Variants in DNAJB14 observed in about 807,000 individuals in gnomAD.
DNAJB14 encodes DnaJ heat shock protein family (Hsp40) member B14.
DNAJB14 carries 22 observed loss-of-function variants against 48.4 expected under a neutral mutation model. The observed-to-expected ratio is 0.45, with a 90% CI of 0.32 to 0.65. The LOEUF (loss-of-function observed/expected upper bound fraction) is 0.65. DNAJB14 is among the 30% of genes least tolerant of loss of function. The pLI is 0.03. For missense variants in DNAJB14, 319 were observed against 458.8 expected (o/e 0.70, Z 2.78); for synonymous variants, 142 against 158.7 (o/e 0.89, Z 0.79).
intron 3 of DNAJB14, 103 bp downstream of exon 3, chr4:99,922,935 GGT>G (rs1726113946): frequency 3.1e-5 from 38 of 1,226,570 alleles, no homozygotes; most frequent in Non-Finnish European, 3.9e-5. Flanking sequence ...TGCTTGTGCT[GGT>G]CTCTAAATGC....
Position 99,906,608 on chromosome 4 carries a change from C to T in DNAJB14, c.641G>A (p.Ser214Asn). 6.2e-7 allele frequency: 1 copy of T among 1,610,186 alleles called. No individual in the cohort carries two copies. The highest frequency in any genetic ancestry group is 8.5e-7 in the Non-Finnish European group (1 of 1,178,614). Residue 214 changes from serine (S) to asparagine (N), a missense_variant, in exon 5 of 8, where the codon AGT (serine) becomes AAT (asparagine). Physicochemically the swap from Ser to Asn is conservative, Grantham distance 46. Around this residue, in one of 3 missense-constraint regions of DNAJB14, gnomAD observed 166 missense variants for 236.3 expected, o/e 0.70. Coordinates refer to ENST00000442697, the MANE Select transcript of DNAJB14 (RefSeq NM_001031723.4). ...IFFGGGFPSGSVHSFSNGRAG... is the reference protein window; with the variant it reads ...IFFGGGFPSGNVHSFSNGRAG... Reference sequence around the variant, plus strand: ...TCTTCCATTTGAAAAAGAATGTACACTACCTAAAAAATTAAAAGCAAGGTT... The same window carrying T: ...TCTTCCATTTGAAAAAGAATGTACATTACCTAAAAAATTAAAAGCAAGGTT...
chr4:99,910,954 C>T (rs1725638605), intron 3 of DNAJB14, among the ~76,000 whole-genome samples: 1 of 151,976 alleles, frequency 6.6e-6, no homozygotes, highest in Non-Finnish European at 1.5e-5. Flanking sequence ...GATATTGACA[C>T]TGATATAGTC....
intron 1 of DNAJB14, among the ~76,000 whole-genome samples, chr4:99,942,874 A>T (rs1367578820): frequency 2.0e-5 from 3 of 152,130 alleles, no homozygotes; most frequent in Non-Finnish European, 4.4e-5. Flanking sequence ...TATCCAGACG[A>T]ACATTCAGTC....
chr4:99,924,762 T>C, intron 2 of DNAJB14: 1 of 1,611,510 alleles, frequency 6.2e-7, no homozygotes, highest in Non-Finnish European at 8.5e-7. Flanking sequence ...ATACCTACTG[T>C]GTGTTAGGTA....
intron 1 of DNAJB14, among the ~76,000 whole-genome samples, chr4:99,937,384 C>T (rs1726717596): frequency 6.6e-6 from 1 of 151,968 alleles, no homozygotes; most frequent in Non-Finnish European, 1.5e-5. Context: ...GTAACCTCAC[C>T]AGTAAGGACC....
intron 1 of DNAJB14, among the ~76,000 whole-genome samples, chr4:99,945,955 G>C (rs554193423): frequency 7.4e-4 from 113 of 152,282 alleles, no homozygotes; most frequent in African/African-American, 2.6e-3. Flanking sequence ...TCAGGTATTC[G>C]ATGTTTGCTT....
rs1422490805 is a variant in DNAJB14, at chr4:99,899,447, C to CA, written c.*1580_*1581insT. 1 of 150,896 alleles carries CA rather than the reference C, an allele frequency of 6.6e-6. No homozygotes were observed. Among genetic ancestry groups the CA allele is most frequent in the East Asian group, 1.9e-4 (1 of 5,144 alleles). 9.3% of individuals were successfully genotyped at this position (150,896 alleles called of 1,614,324 possible). A position where few individuals can be genotyped will look rare whatever the true frequency, so the allele number is the denominator to read the frequency against. ...TCTAAGAGCAAGTTGGTTAAGCTCT[C>CA]CAGTTTTCCTATGACAGTATGTTGT... On this transcript the variant is annotated 3_prime_UTR_variant, in exon 8 of 8. Transcript: ENST00000442697.
At chr4:99,931,955 C>G (rs1269156795) in intron 1 of DNAJB14, among the ~76,000 whole-genome samples, 1 of 151,970 alleles carries the variant, frequency 6.6e-6, no homozygotes, top group Non-Finnish European at 1.5e-5. Flanking sequence ...ACTTGTGGGT[C>G]AACAACTAGC....
chr4:99,936,664 A>AT (rs1271838894), intron 1 of DNAJB14, among the ~76,000 whole-genome samples: 7 of 152,178 alleles, frequency 4.6e-5, no homozygotes, highest in Non-Finnish European at 1.0e-4. Context: ...TGAGCCTGAA[A>AT]TTTTTTTGTG....
intron 1 of DNAJB14, among the ~76,000 whole-genome samples, chr4:99,937,216 C>T (rs1726711011): frequency 6.6e-6 from 1 of 152,010 alleles, no homozygotes; most frequent in Non-Finnish European, 1.5e-5. Context: ...ACTCGGGAGG[C>T]TGAGGCAGGA....
chr4:99,904,038 C>G, intron 6 of DNAJB14, 140 bp from the exon 7 acceptor site: 1 of 886,382 alleles, frequency 1.1e-6, no homozygotes, highest in Non-Finnish European at 1.7e-6. Context: ...ATCCGAAACT[C>G]TGAAATCCGA....
At chr4:99,905,542 C>G in intron 6 of DNAJB14, 55 bp downstream of exon 6, 2 of 1,372,220 alleles carry the variant, frequency 1.5e-6, no homozygotes, top group Non-Finnish European at 1.0e-6. Context: ...TTAAAGGAAG[C>G]TAGGTCAGAA....
At chr4:99,917,403 T>A (rs1306722552) in intron 3 of DNAJB14, among the ~76,000 whole-genome samples, 1 of 152,174 alleles carries the variant, frequency 6.6e-6, no homozygotes, top group Non-Finnish European at 1.5e-5. Flanking sequence ...ACTGGCAGAC[T>A]CAGTGTCTGG....
Position 99,903,814 on chromosome 4 carries a change from T to A in DNAJB14, c.927A>T (p.Lys309Asn), listed in dbSNP as rs1402396337. The A allele has an allele frequency of 1.1e-5, 18 of 1,612,924 alleles. No homozygotes were observed. The highest frequency in any genetic ancestry group is 1.5e-5 in the Non-Finnish European group (18 of 1,179,416). ...YVNKDFKNEY[K>N]GMLLQKVEKS... is the part of the protein sequence containing the mutation. The stretch of plus-strand genomic sequence containing the variant: ...TTTCTACCTTTTGTAATAACATTCC[T>A]TTATATTCATTTTTGAAGTCCTTGT... Residue 309 changes from lysine to asparagine, a missense_variant, in exon 7 of 8, where the codon AAA (lysine) becomes AAT (asparagine). Physicochemically the swap from Lys to Asn is moderately conservative, Grantham distance 94 (BLOSUM62 0). Transcript: ENST00000442697.
intron 1 of DNAJB14, among the ~76,000 whole-genome samples, chr4:99,939,899 C>T (rs1258931837): frequency 3.3e-5 from 5 of 152,132 alleles, no homozygotes; most frequent in South Asian, 2.1e-4. Flanking sequence ...TACAATAATG[C>T]GCAGTGTTAC....
chr4:99,921,398 C>T (rs987135933), intron 3 of DNAJB14, among the ~76,000 whole-genome samples: 1 of 152,128 alleles, frequency 6.6e-6, no homozygotes, highest in Non-Finnish European at 1.5e-5. Context: ...TAGCGGGCTT[C>T]CTTAGGTGAC....
intron 1 of DNAJB14, chr4:99,942,404 CCT>C (rs1186178441): frequency 5.9e-5 from 9 of 151,888 alleles, no homozygotes; most frequent in Admixed American, 6.6e-5. Context: ...AGATTGTACC[CCT>C]CTCTGAAAAT....
intron 1 of DNAJB14, among the ~76,000 whole-genome samples, chr4:99,945,138 CAAT>C (rs1403467625): frequency 6.6e-6 from 1 of 152,174 alleles, no homozygotes; most frequent in East Asian, 1.9e-4. Context: ...CCTTGCACAA[CAAT>C]GTCAATATAC....
At chr4:99,910,031 G>C (rs1725605554) in intron 3 of DNAJB14, among the ~76,000 whole-genome samples, 1 of 152,002 alleles carries the variant, frequency 6.6e-6, no homozygotes, top group South Asian at 2.1e-4. Flanking sequence ...ATCCCATGTG[G>C]TGGCTGCCAT....
Sources: gnomAD v4.1 joint callset for allele counts (sites outside exome capture counted in the v4.1 genomes callset) on GRCh38, gnomAD v4.1.1 for gene constraint, gnomAD v4.1.1 regional missense constraint, MANE v1.5 for transcripts, NCBI Gene and HGNC (gene_info 2026-07-23, HGNC 2026-07-21) for gene names.